TENM3: variants seen among roughly 807,000 people sequenced by gnomAD.
The protein encoded by TENM3 is teneurin-3.
In TENM3, 63 loss-of-function variants were observed where a neutral mutation model predicts 255.1. The ratio of observed to expected loss-of-function variants is 0.25; its 90% CI spans 0.20 to 0.30. The LOEUF is 0.30. TENM3 is among the 10% of genes least tolerant of loss of function. TENM3 has a pLI of 1.00. For synonymous variants in TENM3, 1,306 were observed against 1,322.3 expected (o/e 0.99, Z 0.27); for missense variants, 2,929 against 3,461.1 (o/e 0.85, Z 3.86).
intron 3 of TENM3, among the ~76,000 whole-genome samples, chr4:182,393,816 A>G (rs1426580192): frequency 2.0e-5 from 3 of 152,166 alleles, no homozygotes; most frequent in Non-Finnish European, 4.4e-5. Flanking sequence ...TCATCATAAT[A>G]ATGATACCTC....
At chr4:182,331,374 G>A (rs1286956925) in intron 2 of TENM3, among the ~76,000 whole-genome samples, 5 of 151,786 alleles carry the variant, frequency 3.3e-5, no homozygotes, top group Admixed American at 6.6e-5. Context: ...GCAGAAACCC[G>A]GTCTCTACTA....
chr4:182,671,506 G>A (rs996486965), intron 6 of TENM3, among the ~76,000 whole-genome samples: 1 of 152,126 alleles, frequency 6.6e-6, no homozygotes, highest in Non-Finnish European at 1.5e-5. Context: ...TGCAGTGATA[G>A]TGCCTTTCTC....
chr4:181,608,692 G>A, the TENM3 span, among the ~76,000 whole-genome samples: 1 of 152,200 alleles, frequency 6.6e-6, no homozygotes, highest in Non-Finnish European at 1.5e-5. Context: ...TCCCTTTGGT[G>A]TGTAGAAGAT....
the TENM3 span, among the ~76,000 whole-genome samples, chr4:181,771,499 T>C: frequency 6.6e-6 from 1 of 152,174 alleles, no homozygotes; most frequent in African/African-American, 2.4e-5. Flanking sequence ...TTCACTGTTA[T>C]AGGGGGTCAA....
chr4:182,280,234 C>G (rs1346734347), intron 1 of TENM3, among the ~76,000 whole-genome samples: 7 of 152,160 alleles, frequency 4.6e-5, no homozygotes, highest in Non-Finnish European at 1.0e-4. Flanking sequence ...GTTTCCCCCA[C>G]GGGGTCTTGC....
the TENM3 span, among the ~76,000 whole-genome samples, chr4:182,090,738 G>A: frequency 3.9e-5 from 6 of 152,150 alleles, no homozygotes; most frequent in African/African-American, 1.4e-4. Flanking sequence ...TTGATATTCA[G>A]CCTCTATGCC....
chr4:181,617,281 G>T, the TENM3 span, among the ~76,000 whole-genome samples: 1 of 152,164 alleles, frequency 6.6e-6, no homozygotes, highest in Non-Finnish European at 1.5e-5. Context: ...AATAGAGGCA[G>T]CAGACAGTAA....
At chr4:182,198,606 G>A (rs1037364013) in intron 1 of TENM3, among the ~76,000 whole-genome samples, 1 of 152,230 alleles carries the variant, frequency 6.6e-6, no homozygotes, top group Non-Finnish European at 1.5e-5. Context: ...GGGATGTGGA[G>A]CAGTTGGAAT....
the TENM3 span, among the ~76,000 whole-genome samples, chr4:181,999,297 G>A: frequency 6.6e-6 from 1 of 152,180 alleles, no homozygotes; most frequent in African/African-American, 2.4e-5. Flanking sequence ...GTGCTCCAGA[G>A]AGTGGCAAGT....
rs1210305058 is a variant in TENM3 at position 182,650,346 on chromosome 4, T to C, written c.989-3425T>C. Among the ~76,000 whole-genome samples the C allele has an allele frequency of 1.3e-5, 2 of 150,332 alleles. 1 individual carries two copies. The highest frequency in any genetic ancestry group is 3.0e-5 in the Non-Finnish European group (2 of 67,332). ...TGTCTGCACACCCTACACTGGGACA[T>C]GCCTAAACCAAGGATCCTTTGTGCC... On this transcript the variant is annotated intron_variant, in intron 5 of 27. Transcript: ENST00000511685.
intron 1 of TENM3, among the ~76,000 whole-genome samples, chr4:182,216,233 A>C (rs1490947622): frequency 1.3e-5 from 2 of 152,228 alleles, no homozygotes; most frequent in Non-Finnish European, 2.9e-5. Flanking sequence ...AGAGATGGAA[A>C]TATTCCTGAC....
At chr4:182,676,741 A>G (rs1457709467) in intron 7 of TENM3, among the ~76,000 whole-genome samples, 1 of 152,242 alleles carries the variant, frequency 6.6e-6, no homozygotes, top group Non-Finnish European at 1.5e-5. Context: ...TGATTTTCCA[A>G]AAGACGGCTT....
chr4:181,812,052 T>A, the TENM3 span, among the ~76,000 whole-genome samples: 1 of 152,232 alleles, frequency 6.6e-6, no homozygotes, highest in Non-Finnish European at 1.5e-5. Flanking sequence ...CACATTTTTT[T>A]AATTTGTTTC....
At chr4:181,976,824 C>A in the TENM3 span, among the ~76,000 whole-genome samples, 1 of 152,112 alleles carries the variant, frequency 6.6e-6, no homozygotes, top group Non-Finnish European at 1.5e-5. Context: ...ACAAACCAAG[C>A]CCTTTGATAC....
the TENM3 span, among the ~76,000 whole-genome samples, chr4:181,728,937 C>A: frequency 6.6e-6 from 1 of 151,952 alleles, no homozygotes; most frequent in South Asian, 2.1e-4. Context: ...TTTCCTTAAG[C>A]TTAGTAAGAA....
the TENM3 span, among the ~76,000 whole-genome samples, chr4:182,120,620 A>T: frequency 6.6e-6 from 1 of 152,202 alleles, no homozygotes; most frequent in Non-Finnish European, 1.5e-5. Flanking sequence ...GGTGGTTGGA[A>T]GAAGGGTCAT....
the TENM3 span, among the ~76,000 whole-genome samples, chr4:181,472,743 C>T: frequency 1.3e-5 from 2 of 152,168 alleles, no homozygotes; most frequent in South Asian, 4.1e-4. Context: ...TGTTTCACAG[C>T]GTAAAGGCTG....
the TENM3 span, among the ~76,000 whole-genome samples, chr4:182,066,735 C>T: frequency 1.3e-5 from 2 of 151,682 alleles, no homozygotes; most frequent in Non-Finnish European, 2.9e-5. Flanking sequence ...ACCATGAAAC[C>T]CCGTCTCCAC....
chr4:182,453,573 A>T (rs546467640), intron 3 of TENM3, among the ~76,000 whole-genome samples: 10 of 152,196 alleles, frequency 6.6e-5, no homozygotes, highest in Non-Finnish European at 1.3e-4. Context: ...TAACATAAAA[A>T]ACACTTTAGT....
Sources: gnomAD v4.1 joint callset for allele counts (sites outside exome capture counted in the v4.1 genomes callset) on GRCh38, gnomAD v4.1.1 for gene constraint, MANE v1.5 for transcripts, NCBI Gene and HGNC (gene_info 2026-07-23, HGNC 2026-07-21) for gene names.